SDK1: variants seen among roughly 807,000 people sequenced by gnomAD.
SDK1 encodes protein sidekick-1.
SDK1 carries 157 observed loss-of-function variants against 245.5 expected under a neutral mutation model. The observed-to-expected ratio is 0.64, with a 90% CI of 0.56 to 0.73. SDK1 has a LOEUF of 0.73. SDK1 is among the 30% of genes least tolerant of loss of function. SDK1 has a pLI of 0.00. For missense variants in SDK1, 3,583 were observed against 3,002.3 expected (o/e 1.19, Z -4.52); for synonymous variants, 1,647 against 1,278.5 (o/e 1.29, Z -6.15).
intron 3 of SDK1, among the ~76,000 whole-genome samples, chr7:3,640,744 C>T (rs919502756): frequency 6.7e-6 from 1 of 150,132 alleles, no homozygotes; most frequent in African/African-American, 2.5e-5. Context: ...AGTGCAGTGG[C>T]ACAATCTTGA....
At chr7:3,890,306 AC>A (rs1449711854) in intron 5 of SDK1, among the ~76,000 whole-genome samples, 1 of 152,242 alleles carries the variant, frequency 6.6e-6, no homozygotes, top group African/African-American at 2.4e-5. Flanking sequence ...CCAAATTGAT[AC>A]GTGCTATGTG....
intron 17 of SDK1, among the ~76,000 whole-genome samples, chr7:4,046,652 C>G (rs1490050797): frequency 3.9e-5 from 6 of 152,190 alleles, no homozygotes; most frequent in Non-Finnish European, 8.8e-5. Flanking sequence ...TCCAGCCCTT[C>G]TCCAGTAACA....
At chr7:3,356,343 C>T (rs1363615269) in intron 1 of SDK1, among the ~76,000 whole-genome samples, 2 of 152,084 alleles carry the variant, frequency 1.3e-5, no homozygotes, top group Non-Finnish European at 2.9e-5. Flanking sequence ...TGGGCAGTTG[C>T]CGTGCACATC....
At chr7:4,097,970 A>G (rs886093621) in intron 22 of SDK1, among the ~76,000 whole-genome samples, 1 of 151,790 alleles carries the variant, frequency 6.6e-6, no homozygotes. Context: ...GTTCTGGTGT[A>G]ATGTCTCTGC....
intron 1 of SDK1, among the ~76,000 whole-genome samples, chr7:3,495,272 T>C (rs1192442614): frequency 2.7e-5 from 4 of 148,458 alleles, no homozygotes; most frequent in African/African-American, 1.0e-4. Flanking sequence ...TTTTTTTTTT[T>C]TTTGAAGCGG....
chr7:3,807,062 C>A (rs1779268139), intron 4 of SDK1, among the ~76,000 whole-genome samples: 1 of 152,006 alleles, frequency 6.6e-6, no homozygotes, highest in African/African-American at 2.4e-5. Context: ...TAGATATATC[C>A]TAATGTTAAA....
intron 42 of SDK1, among the ~76,000 whole-genome samples, chr7:4,240,774 G>A (rs1287139899): frequency 1.3e-5 from 2 of 152,192 alleles, no homozygotes; most frequent in Non-Finnish European, 2.9e-5. Context: ...TGTGGTCAGG[G>A]AGGTCGCCTC....
Position 3,591,690 on chromosome 7 carries a change from G to A in SDK1, c.299-27390G>A, listed in dbSNP as rs184373263. 2.5e-3 allele frequency among the ~76,000 whole-genome samples: 376 copies of A among 152,304 alleles called. 3 individuals carry two copies. Among genetic ancestry groups the A allele is most frequent in the South Asian group, 0.017 (84 of 4,828 alleles). On this transcript the variant is annotated intron_variant, in intron 1 of 44. Transcript: ENST00000404826. Reference sequence around the variant, plus strand: ...TAATGATCACTGTGGGCCCATGGCCGCTGGAAGCTATTTGTATTCTTTGCA... The same window carrying A: ...TAATGATCACTGTGGGCCCATGGCCACTGGAAGCTATTTGTATTCTTTGCA...
In SDK1 at chr7:4,070,666, C is replaced by T. The variant is rs564846329; in HGVS notation, c.3010+2730C>T. 2.2e-4 allele frequency among the ~76,000 whole-genome samples: 33 copies of T among 152,210 alleles called. No individual in the cohort carries two copies. The South Asian group carries it at 6.2e-3, about 29-fold the overall frequency. On this transcript the variant is annotated intron_variant, in intron 20 of 44. Transcript: ENST00000404826. ...ATCCCCTGATAGAGCGGTGTGCCCA[C>T]AGCCCATACACAAGGTCACCTTGGA...
At chr7:3,314,646 A>G (rs559507170) in intron 1 of SDK1, among the ~76,000 whole-genome samples, 1 of 152,338 alleles carries the variant, frequency 6.6e-6, no homozygotes, top group Admixed American at 6.5e-5. Flanking sequence ...TTATAGTTGG[A>G]AAGACAGAGG....
chr7:3,978,750 A>C (rs976081115), intron 13 of SDK1, among the ~76,000 whole-genome samples: 1 of 152,200 alleles, frequency 6.6e-6, no homozygotes, highest in Non-Finnish European at 1.5e-5. Context: ...ATAACCAAAA[A>C]AAAAGCAAGA....
chr7:3,457,258 T>C (rs1343652518), intron 1 of SDK1, among the ~76,000 whole-genome samples: 1 of 152,176 alleles, frequency 6.6e-6, no homozygotes, highest in Non-Finnish European at 1.5e-5. Flanking sequence ...TTCCCTTAGG[T>C]GAGGTTCATA....
intron 5 of SDK1, among the ~76,000 whole-genome samples, chr7:3,921,302 C>T (rs1779577330): frequency 6.6e-6 from 1 of 152,170 alleles, no homozygotes; most frequent in Non-Finnish European, 1.5e-5. Context: ...ACTATGTTAT[C>T]ATTTTCAATA....
chr7:3,433,127 T>G (rs1779916559), intron 1 of SDK1, among the ~76,000 whole-genome samples: 1 of 152,182 alleles, frequency 6.6e-6, no homozygotes, highest in African/African-American at 2.4e-5. Flanking sequence ...AGTTGACCAG[T>G]GGATTCTAAG....
At chr7:3,599,827 G>A (rs1781197707) in intron 1 of SDK1, among the ~76,000 whole-genome samples, 1 of 152,148 alleles carries the variant, frequency 6.6e-6, no homozygotes. Flanking sequence ...ATACCATACT[G>A]TCCTTATTAC....
At position 3,670,059 on chromosome 7, in the gene SDK1, A is replaced by G. The variant is rs537746798; in HGVS notation, c.713+27954A>G. The stretch of plus-strand genomic sequence containing the variant: ...GTTATCCCACAAATCTACTCACATC[A>G]TTGTGTGTCCACCTCTGCCACCATT... On this transcript the variant is annotated intron_variant, in intron 4 of 44. Coordinates refer to ENST00000404826, the MANE Select transcript of SDK1 (RefSeq NM_152744.4). Among the ~76,000 whole-genome samples the G allele has an allele frequency of 2.0e-5, 3 of 152,188 alleles. 1 individual carries two copies. The highest frequency in any genetic ancestry group is 7.2e-5 in the African/African-American group (3 of 41,524).
intron 5 of SDK1, among the ~76,000 whole-genome samples, chr7:3,873,110 T>C (rs1232878680): frequency 6.6e-6 from 1 of 152,220 alleles, no homozygotes; most frequent in Admixed American, 6.5e-5. Context: ...TTTTCTTTAA[T>C]GTTTCATGAA....
At chr7:3,320,433 T>C (rs1057466248) in intron 1 of SDK1, among the ~76,000 whole-genome samples, 1 of 152,196 alleles carries the variant, frequency 6.6e-6, no homozygotes, top group South Asian at 2.1e-4. Flanking sequence ...CAGTCAGAAT[T>C]GTGTATTTCA....
intron 26 of SDK1, among the ~76,000 whole-genome samples, chr7:4,128,930 GTGGGGT>G (rs1784583707): frequency 2.3e-5 from 3 of 132,342 alleles, no homozygotes; most frequent in African/African-American, 5.7e-5. Flanking sequence ...GCAGCTTGGG[GTGGGGT>G]CCCCTGGAGG....
Sources: gnomAD v4.1 joint callset for allele counts (sites outside exome capture counted in the v4.1 genomes callset) on GRCh38, gnomAD v4.1.1 for gene constraint, MANE v1.5 for transcripts, NCBI Gene and HGNC (gene_info 2026-07-23, HGNC 2026-07-21) for gene names.